The following NHLRC2 variants were observed in gnomAD, a reference collection of about 807,000 sequenced individuals.
NHLRC2 encodes the protein NHL repeat containing 2, also known as NHL repeat-containing protein 2.
A neutral mutation model predicts 68.1 loss-of-function variants in NHLRC2; 33 were observed. The ratio of observed to expected loss-of-function variants is 0.48; its 90% CI spans 0.37 to 0.65. The LOEUF is 0.65. Ranked by LOEUF, NHLRC2 falls within the 30% of genes least tolerant of loss-of-function variation. The pLI is 0.00. For missense variants in NHLRC2, 761 were observed against 853.8 expected (o/e 0.89, Z 1.35); for synonymous variants, 311 against 309.6 (o/e 1.00, Z -0.05).
chr10:113,862,920 C>T (rs905189350), intron 2 of NHLRC2, among the ~76,000 whole-genome samples: 9 of 152,174 alleles, frequency 5.9e-5, no homozygotes, highest in African/African-American at 1.9e-4. Flanking sequence ...GCAGGAAGAT[C>T]ACTTGAGGCC....
chr10:113,874,497 T>A (rs1428273979), intron 2 of NHLRC2, among the ~76,000 whole-genome samples: 2 of 145,024 alleles, frequency 1.4e-5, no homozygotes, highest in African/African-American at 5.1e-5. Flanking sequence ...TGTGTGTGTT[T>A]AGCCTTTGAT....
At chr10:113,899,151 A>G (rs1270339582) in intron 6 of NHLRC2, among the ~76,000 whole-genome samples, 1 of 151,114 alleles carries the variant, frequency 6.6e-6, no homozygotes, top group East Asian at 1.9e-4. Context: ...TCTCCTTTTG[A>G]TTGTTTTTAT....
At chr10:113,883,777 T>C (rs1035114160) in intron 4 of NHLRC2, among the ~76,000 whole-genome samples, 13 of 152,104 alleles carry the variant, frequency 8.5e-5, no homozygotes, top group Non-Finnish European at 1.8e-4. Context: ...CTCTAAAATA[T>C]TAAAATCGTC....
chr10:113,858,452 C>A, intron 1 of NHLRC2, 76 bp from the exon 2 acceptor site: 1 of 1,017,010 alleles, frequency 9.8e-7, no homozygotes, highest in Non-Finnish European at 1.5e-6. Context: ...AAAAAAAGGT[C>A]ACATTTTAAT....
At chr10:113,892,355 T>C (rs1846140540) in intron 5 of NHLRC2, among the ~76,000 whole-genome samples, 1 of 152,208 alleles carries the variant, frequency 6.6e-6, no homozygotes, top group Non-Finnish European at 1.5e-5. Flanking sequence ...TTTTAAAAAA[T>C]TTTTAATTTG....
chr10:113,857,195 G>A (rs953451027), intron 1 of NHLRC2, among the ~76,000 whole-genome samples: 12 of 152,098 alleles, frequency 7.9e-5, no homozygotes, highest in Admixed American at 2.0e-4. Flanking sequence ...CTAGCACGGT[G>A]ACTAAGATGT....
intron 2 of NHLRC2, among the ~76,000 whole-genome samples, chr10:113,866,251 T>A (rs1484794528): frequency 6.6e-6 from 1 of 152,224 alleles, no homozygotes; most frequent in Non-Finnish European, 1.5e-5. Flanking sequence ...TGTTCTGATG[T>A]TTAAACATTT....
intron 5 of NHLRC2, among the ~76,000 whole-genome samples, chr10:113,885,756 A>G (rs1055962408): frequency 4.6e-5 from 7 of 152,072 alleles, no homozygotes; most frequent in African/African-American, 1.4e-4. Context: ...GTAGAAATCT[A>G]CAATATGATT....
At chr10:113,875,815 G>T (rs1239607688) in intron 2 of NHLRC2, among the ~76,000 whole-genome samples, 2 of 151,772 alleles carry the variant, frequency 1.3e-5, no homozygotes, top group Admixed American at 1.3e-4. Flanking sequence ...AGTAGTTTTT[G>T]GTGGATGTGT....
At chr10:113,907,299 C>T (rs1846285480) in intron 10 of NHLRC2, among the ~76,000 whole-genome samples, 4 of 152,150 alleles carry the variant, frequency 2.6e-5, no homozygotes, top group South Asian at 4.1e-4. Context: ...GGTTTACTTA[C>T]CCTGAGAACA....
chr10:113,907,309 A>G (rs1157360402), intron 10 of NHLRC2, among the ~76,000 whole-genome samples: 1 of 152,250 alleles, frequency 6.6e-6, no homozygotes, highest in Non-Finnish European at 1.5e-5. Flanking sequence ...CCCTGAGAAC[A>G]AAAGAAAGAG....
intron 6 of NHLRC2, among the ~76,000 whole-genome samples, chr10:113,901,249 C>A (rs1846225676): frequency 6.6e-6 from 1 of 152,136 alleles, no homozygotes; most frequent in Non-Finnish European, 1.5e-5. Context: ...AAAATTGAAG[C>A]TTTAAACTAT....
chr10:113,856,452 A>G (rs1347364729), intron 1 of NHLRC2, among the ~76,000 whole-genome samples: 1 of 150,020 alleles, frequency 6.7e-6, no homozygotes, highest in Non-Finnish European at 1.5e-5. Flanking sequence ...TGGAATTCTT[A>G]CAAAAGAATT....
intron 4 of NHLRC2, among the ~76,000 whole-genome samples, chr10:113,881,019 G>A (rs1219731849): frequency 1.3e-5 from 2 of 151,830 alleles, no homozygotes; most frequent in Non-Finnish European, 1.5e-5. Flanking sequence ...CCCTTTATAG[G>A]CAGAGCTGCT....
intron 7 of NHLRC2, among the ~76,000 whole-genome samples, chr10:113,902,128 A>G (rs1846234665): frequency 1.3e-5 from 2 of 152,194 alleles, no homozygotes; most frequent in African/African-American, 4.8e-5. Flanking sequence ...TTTCAGGGAG[A>G]AAGAAAGGAT....
In NHLRC2 at chr10:113,913,847, G is replaced by GTTTTTTTTTTT. The variant is rs1166883832; in HGVS notation, c.*5319_*5329dup. On this transcript the variant is annotated 3_prime_UTR_variant, in exon 11 of 11. Coordinates refer to ENST00000369301, the MANE Select transcript of NHLRC2 (RefSeq NM_198514.4). ...AGGTACTTTTTGTTGTTGTTGTTTT[G>GTTTTTTTTTTT]TTTTTTTTTTTTTTTTTTGAGATGG... is the stretch of plus-strand genomic sequence containing the variant. 7.4e-5 allele frequency: 9 copies of GTTTTTTTTTTT among 121,522 alleles called. No individual in the cohort carries two copies. The highest frequency in any genetic ancestry group is 9.3e-5 in the African/African-American group (3 of 32,394). The allele number at this position is 121,522 out of a possible 1,614,324, so 7.5% of individuals were successfully genotyped here.
At chr10:113,892,186 GA>G (rs747762974) in intron 5 of NHLRC2, among the ~76,000 whole-genome samples, 18 of 152,274 alleles carry the variant, frequency 1.2e-4, no homozygotes, top group Non-Finnish European at 2.4e-4. Flanking sequence ...TAAAATGACA[GA>G]ATTTTTTTAA....
chr10:113,864,145 C>T (rs186926708), intron 2 of NHLRC2, among the ~76,000 whole-genome samples: 385 of 152,208 alleles, frequency 2.5e-3, no homozygotes, highest in Admixed American at 5.0e-3. Flanking sequence ...AATTCAAATA[C>T]TACATAATTT....
At chr10:113,868,158 G>GT (rs1040163791) in intron 2 of NHLRC2, among the ~76,000 whole-genome samples, 2 of 152,040 alleles carry the variant, frequency 1.3e-5, no homozygotes, top group African/African-American at 4.8e-5. Flanking sequence ...TGTATGTGTG[G>GT]TTTTTTTATT....
Sources: gnomAD v4.1 joint callset for allele counts (sites outside exome capture counted in the v4.1 genomes callset) on GRCh38, gnomAD v4.1.1 for gene constraint, MANE v1.5 for transcripts, NCBI Gene and HGNC (gene_info 2026-07-23, HGNC 2026-07-21) for gene names.